TBC1D16: variants seen among roughly 807,000 people sequenced by gnomAD.
The protein encoded by TBC1D16 is TBC1 domain family member 16.
TBC1D16 carries 58 observed loss-of-function variants against 74.7 expected under a neutral mutation model. That is an observed-to-expected ratio of 0.78 (90% CI 0.63 to 0.97). TBC1D16 has a LOEUF of 0.97. Ranked by LOEUF, TBC1D16 falls within the 50% of genes least tolerant of loss-of-function variation. The pLI, the probability that TBC1D16 is intolerant of heterozygous loss-of-function variation, is 0.00. For missense variants in TBC1D16, 1,014 were observed against 1,079.5 expected (o/e 0.94, Z 0.85); for synonymous variants, 493 against 474.7 (o/e 1.04, Z -0.50).
intron 1 of TBC1D16, among the ~76,000 whole-genome samples, chr17:80,015,539 G>A (rs559154665): frequency 6.6e-6 from 1 of 152,350 alleles, no homozygotes; most frequent in East Asian, 1.9e-4. Context: ...TGGGCTGCGT[G>A]CAGGCCGGCT....
chr17:80,022,866 C>T (rs1411602917), intron 1 of TBC1D16, among the ~76,000 whole-genome samples: 1 of 149,670 alleles, frequency 6.7e-6, no homozygotes, highest in Non-Finnish European at 1.5e-5. Context: ...AACTCCTGAC[C>T]TCAGGTGATC....
rs2034780739 is a variant in TBC1D16, at chr17:79,985,091, C to T, written c.779+25069G>A. On this transcript the variant is annotated intron_variant, in intron 3 of 11. Coordinates refer to ENST00000310924, the MANE Select transcript of TBC1D16 (RefSeq NM_019020.4). This position sits in a 1 kb window ranked among gnomAD's most constrained non-coding sequence, Gnocchi z 4.9. ...AAGTCAAGGTGCTAGTCGGGCCGCG[C>T]CCCCTCTGAAGGCTCCAGGCAAGAG... is the stretch of plus-strand genomic sequence containing the variant. Among the ~76,000 whole-genome samples, 1 of 152,126 alleles carries T rather than the reference C, an allele frequency of 6.6e-6. No homozygotes were observed. Among genetic ancestry groups the T allele is most frequent in the African/African-American group, 2.4e-5 (1 of 41,412 alleles).
intron 3 of TBC1D16, among the ~76,000 whole-genome samples, chr17:79,991,732 G>A (rs1290936137): frequency 6.7e-6 from 1 of 148,264 alleles, no homozygotes; most frequent in East Asian, 2.1e-4. Context: ...GAGGGGGAGG[G>A]CGGGGGCGTG....
At position 80,019,797 on chromosome 17, in the gene TBC1D16, GA is replaced by G. The variant is rs915819835; in HGVS notation, c.-62-6189del. Among the ~76,000 whole-genome samples the G allele has an allele frequency of 4.7e-5, 7 of 149,724 alleles. 2 individuals are homozygous for G. Among genetic ancestry groups the G allele is most frequent in the African/African-American group, 1.8e-4 (7 of 39,198 alleles). On this transcript the variant is annotated intron_variant, in intron 1 of 11. Transcript: ENST00000310924. ...TGTGCCCTATAATGAATGAGTTAAT[GA>G]AAAACCCACTCCTTGGAATTATATC... is the stretch of plus-strand genomic sequence containing the variant.
In TBC1D16 at chr17:79,940,868, G is replaced by T; in HGVS notation, c.2295C>A (p.Phe765Leu). ...GPKTPQDGFG[F>L]RR Reference sequence around the variant, plus strand: ...GTGTCGGGGGCCCGACCTATCTGCGGAAGCCGAAGCCGTCCTGCGGCGTCT... The same window carrying T: ...GTGTCGGGGGCCCGACCTATCTGCGTAAGCCGAAGCCGTCCTGCGGCGTCT... The change falls in exon 12 of 12, where the codon TTC (phenylalanine) becomes TTA (leucine). Residue 765 changes from phenylalanine (F) to leucine (L), a missense_variant. By Grantham distance (22) the Phe-to-Leu change is conservative. Coordinates refer to ENST00000310924, the MANE Select transcript of TBC1D16 (RefSeq NM_019020.4). This position sits in a 1 kb window ranked among gnomAD's most constrained non-coding sequence, Gnocchi z 5.4. 1 of 1,546,020 alleles carries T rather than the reference G, an allele frequency of 6.5e-7. No individual in the cohort carries two copies. The highest frequency in any genetic ancestry group is 1.2e-5 in the South Asian group (1 of 82,316).
chr17:80,017,646 A>C (rs1359399796), intron 1 of TBC1D16, among the ~76,000 whole-genome samples: 2 of 136,834 alleles, frequency 1.5e-5, no homozygotes, highest in African/African-American at 5.5e-5. Flanking sequence ...GCTCCATTGC[A>C]CTCCAGCCTG....
Position 79,950,860 on chromosome 17 carries a change from C to T in TBC1D16, c.1090-282G>A, listed in dbSNP as rs946457059. On this transcript the variant is annotated intron_variant, in intron 5 of 11. Coordinates refer to ENST00000310924, the MANE Select transcript of TBC1D16 (RefSeq NM_019020.4). The surrounding 1 kb of genome is among the most constrained non-coding windows in gnomAD (Gnocchi z 4.6). ...CCAGCCGCAAAAACGGAATGAATGC[C>T]TCGTTCGGCCTAACTTCCCTCTGCC... 6.6e-7 allele frequency: 1 copy of T among 1,519,604 alleles called. No individual in the cohort carries two copies. Among genetic ancestry groups the T allele is most frequent in the Non-Finnish European group, 8.8e-7 (1 of 1,136,416 alleles). The allele number at this position is 1,519,604 out of a possible 1,614,324, so 94.1% of individuals were successfully genotyped here.
rs114774997 is a variant in TBC1D16, at chr17:80,009,558, C to T, written c.779+602G>A. Among the ~76,000 whole-genome samples the T allele has an allele frequency of 0.013, 2,015 of 152,314 alleles. 47 individuals carry two copies. Among genetic ancestry groups the T allele is most frequent in the African/African-American group, 0.046 (1,932 of 41,560 alleles). ...TGGCTGGACTCCCCAGGGTGCATAG[C>T]GGCTGCCAAGTCGGGTGAATATGGT... On this transcript the variant is annotated intron_variant, in intron 3 of 11. Transcript: ENST00000310924. This position sits in a 1 kb window ranked among gnomAD's most constrained non-coding sequence, Gnocchi z 5.4.
chr17:80,002,224 G>A (rs376140929), intron 3 of TBC1D16, among the ~76,000 whole-genome samples: 2 of 152,188 alleles, frequency 1.3e-5, no homozygotes, highest in African/African-American at 4.8e-5. Context: ...ACTCTTCCCC[G>A]AGAGCCTCAT....
chr17:79,970,896 G>A (rs546162345), intron 3 of TBC1D16, among the ~76,000 whole-genome samples: 5 of 101,168 alleles, frequency 4.9e-5, no homozygotes, highest in African/African-American at 1.8e-4. Context: ...CAAAAACAGC[G>A]CCACCCTCTG....
At chr17:79,996,811 G>GAA (rs1378443037) in intron 3 of TBC1D16, among the ~76,000 whole-genome samples, 3 of 152,148 alleles carry the variant, frequency 2.0e-5, no homozygotes, top group Non-Finnish European at 4.4e-5. Flanking sequence ...TTATCCTAGA[G>GAA]AAACGAAAAC....
In TBC1D16 at chr17:80,009,407, G is replaced by A. The variant is rs1224350143; in HGVS notation, c.779+753C>T. 1.3e-5 allele frequency among the ~76,000 whole-genome samples: 2 copies of A among 152,186 alleles called. No homozygotes were observed. The highest frequency in any genetic ancestry group is 2.4e-5 in the African/African-American group (1 of 41,446). On this transcript the variant is annotated intron_variant, in intron 3 of 11. Coordinates refer to ENST00000310924, the MANE Select transcript of TBC1D16 (RefSeq NM_019020.4). This position sits in a 1 kb window ranked among gnomAD's most constrained non-coding sequence, Gnocchi z 5.4. The stretch of plus-strand genomic sequence containing the variant: ...TCACCCCAAGGCCATGAGGGCCCTC[G>A]TGGCACCATGCAACCCTCCCCACTC...
In TBC1D16 at chr17:80,001,224, G is replaced by A. The variant is rs1429882978; in HGVS notation, c.779+8936C>T. On this transcript the variant is annotated intron_variant, in intron 3 of 11. Coordinates refer to ENST00000310924, the MANE Select transcript of TBC1D16 (RefSeq NM_019020.4). The surrounding 1 kb of genome is among the most constrained non-coding windows in gnomAD (Gnocchi z 5.8). ...ACCCCTGGCATCGGCCACTCTCTGG[G>A]TGCAGGCGGAGCAGCTGGTGGTGGC... is the stretch of plus-strand genomic sequence containing the variant. Among the ~76,000 whole-genome samples the A allele has an allele frequency of 6.6e-6, 1 of 152,228 alleles. No individual in the cohort carries two copies. Among genetic ancestry groups the A allele is most frequent in the African/African-American group, 2.4e-5 (1 of 41,466 alleles).
At position 79,940,865 on chromosome 17, in the gene TBC1D16, G is replaced by T. The variant is rs1392005525; in HGVS notation, c.2298C>A (p.Arg766=). The change falls in exon 12 of 12, where the codon CGC becomes CGA. Residue 766 remains arginine, a synonymous_variant. Coordinates refer to ENST00000310924, the MANE Select transcript of TBC1D16 (RefSeq NM_019020.4). The surrounding 1 kb of genome is among the most constrained non-coding windows in gnomAD (Gnocchi z 5.4). ...PKTPQDGFGF[R]R ...CCGGTGTCGGGGGCCCGACCTATCT[G>T]CGGAAGCCGAAGCCGTCCTGCGGCG... is the stretch of plus-strand genomic sequence containing the variant. 2.6e-6 allele frequency: 4 copies of T among 1,544,098 alleles called. No individual in the cohort carries two copies. In the South Asian group the frequency reaches 4.9e-5, roughly 19 times the overall value.
rs536290994 is a variant in TBC1D16, at chr17:79,968,294, C to T, written c.780-15476G>A. On this transcript the variant is annotated intron_variant, in intron 3 of 11. Coordinates refer to ENST00000310924, the MANE Select transcript of TBC1D16 (RefSeq NM_019020.4). ...ATGCTGGGATTCGAGGCATGAGCCG[C>T]TGCACCCAACCGGGTGAAAGAATAG... 3.3e-5 allele frequency among the ~76,000 whole-genome samples: 5 copies of T among 152,360 alleles called. No individual in the cohort carries two copies. The East Asian group carries it at 9.7e-4, about 29-fold the overall frequency.
chr17:80,013,461 G>T lies in TBC1D16; in HGVS notation c.87C>A (p.Ser29=), dbSNP rs766698499. The part of the protein sequence containing the change: ...TLTPGGSGSG[S]PSVLDGEIIY... ...TGATCTCTCCATCCAGGACAGAGGG[G>T]GACCCGCTGCCGCTGCCACCGGGGG... The change falls in exon 2 of 12, where the codon TCC becomes TCA. Residue 29 remains serine (S), a synonymous_variant. Transcript: ENST00000310924. 1.3e-5 allele frequency: 20 copies of T among 1,599,862 alleles called. No homozygotes were observed. Among genetic ancestry groups the T allele is most frequent in the Non-Finnish European group, 1.6e-5 (19 of 1,173,926 alleles).
In TBC1D16 at chr17:79,986,477, G is replaced by C. The variant is rs2034839566; in HGVS notation, c.779+23683C>G. Among the ~76,000 whole-genome samples, 1 of 152,146 alleles carries C rather than the reference G, an allele frequency of 6.6e-6. No individual in the cohort carries two copies. The highest frequency in any genetic ancestry group is 1.5e-5 in the Non-Finnish European group (1 of 68,030). ...AAGAGGCCCCGGGATTATTTTTGGA[G>C]GGCCCCTCCCTGCAGAGCAACCACG... On this transcript the variant is annotated intron_variant, in intron 3 of 11. Coordinates refer to ENST00000310924, the MANE Select transcript of TBC1D16 (RefSeq NM_019020.4). This position sits in a 1 kb window ranked among gnomAD's most constrained non-coding sequence, Gnocchi z 6.0.
rs71389720 is a variant in TBC1D16 at position 79,934,044 on chromosome 17, G to A, written c.*6815C>T. 0.026 allele frequency: 4,019 copies of A among 152,296 alleles called. 97 individuals carry two copies. Among genetic ancestry groups the A allele is most frequent in the Middle Eastern group, 0.11 (31 of 294 alleles). 9.4% of individuals were successfully genotyped at this position (152,296 alleles called of 1,614,324 possible). A position where few individuals can be genotyped will look rare whatever the true frequency, so the allele number is the denominator to read the frequency against. On this transcript the variant is annotated 3_prime_UTR_variant, in exon 12 of 12. Coordinates refer to ENST00000310924, the MANE Select transcript of TBC1D16 (RefSeq NM_019020.4). ...GTGGCAAGGGCACTCCCTAGGCACT[G>A]AGCAGCCACCGCCAGCCCTGAGGGC...
At position 80,007,070 on chromosome 17, in the gene TBC1D16, G is replaced by C. The variant is rs1231224725; in HGVS notation, c.779+3090C>G. On this transcript the variant is annotated intron_variant, in intron 3 of 11. Transcript: ENST00000310924. The surrounding 1 kb of genome is among the most constrained non-coding windows in gnomAD (Gnocchi z 4.5). ...AAGCACACGCTTCTGGCGGGGTGGG[G>C]AGAGTCCCATCCACATCCACCTCGT... Among the ~76,000 whole-genome samples the C allele has an allele frequency of 6.6e-6, 1 of 152,234 alleles. No individual in the cohort carries two copies. Among genetic ancestry groups the C allele is most frequent in the Non-Finnish European group, 1.5e-5 (1 of 68,040 alleles).
Sources: allele counts gnomAD v4.1 joint callset (sites outside exome capture counted in the v4.1 genomes callset), GRCh38; gene constraint gnomAD v4.1.1; non-coding constraint Gnocchi (gnomAD v3.1); transcripts MANE v1.5; gene names NCBI Gene and HGNC (gene_info 2026-07-23, HGNC 2026-07-21).